PPFIA1: variants seen among roughly 807,000 people sequenced by gnomAD.
The protein encoded by PPFIA1 is liprin-alpha-1.
In PPFIA1, 25 loss-of-function variants were observed where a neutral mutation model predicts 149.9. The observed-to-expected ratio is 0.17, with a 90% CI of 0.12 to 0.23. The LOEUF is 0.23. Among genes scored for constraint, PPFIA1 ranks in the 10% least tolerant of loss-of-function variants. The probability of loss-of-function intolerance (pLI) is 1.00; values close to 1 mark genes in which losing one functional copy is unlikely to be tolerated. For missense variants in PPFIA1, 1,362 were observed against 1,506.5 expected (o/e 0.90, Z 1.59); for synonymous variants, 549 against 552.8 (o/e 0.99, Z 0.10).
At chr11:70,310,479 G>A (rs2053188784) in intron 2 of PPFIA1, among the ~76,000 whole-genome samples, 2 of 150,934 alleles carry the variant, frequency 1.3e-5, no homozygotes, top group South Asian at 2.1e-4. Context: ...TCTGCCTCCT[G>A]GGTTCAAGCG....
At chr11:70,284,593 A>G (rs944602741) in intron 2 of PPFIA1, among the ~76,000 whole-genome samples, 5 of 152,212 alleles carry the variant, frequency 3.3e-5, no homozygotes, top group Non-Finnish European at 7.3e-5. Context: ...GAAGTGGTTC[A>G]GAAGAAATCC....
chr11:70,348,038 T>A (rs2055821952), intron 15 of PPFIA1, 151 bp from the exon 16 acceptor site: 3 of 606,338 alleles, frequency 4.9e-6, no homozygotes, highest in South Asian at 4.6e-5. Flanking sequence ...TTAAAAAGAG[T>A]AGAACATTTT....
chr11:70,300,492 C>T (rs1211050467), intron 2 of PPFIA1, among the ~76,000 whole-genome samples: 2 of 151,858 alleles, frequency 1.3e-5, no homozygotes, highest in African/African-American at 2.4e-5. Flanking sequence ...GCCTCAGCCT[C>T]TCAGTATCTG....
intron 16 of PPFIA1, chr11:70,350,107 T>C (rs977099231): frequency 5.8e-6 from 2 of 344,032 alleles, no homozygotes; most frequent in African/African-American, 4.5e-5. Context: ...TATTAATGGG[T>C]TGTTTTTTTC....
intron 14 of PPFIA1, among the ~76,000 whole-genome samples, chr11:70,341,653 T>G (rs900767705): frequency 1.3e-5 from 2 of 152,044 alleles, no homozygotes; most frequent in Non-Finnish European, 2.9e-5. Context: ...ATGGATGGTA[T>G]TAAGAAACAT....
intron 2 of PPFIA1, among the ~76,000 whole-genome samples, chr11:70,274,920 T>C (rs1340602748): frequency 6.6e-6 from 1 of 152,200 alleles, no homozygotes; most frequent in Non-Finnish European, 1.5e-5. Flanking sequence ...GGTTTTACCA[T>C]GTTGCCCAGG....
Position 70,354,415 on chromosome 11 carries a change from C to T in PPFIA1, c.2278C>T (p.His760Tyr). The T allele has an allele frequency of 6.2e-7, 1 of 1,614,028 alleles. No homozygotes were observed. Among genetic ancestry groups the T allele is most frequent in the East Asian group, 2.2e-5 (1 of 44,848 alleles). Residue 760 changes from histidine (H) to tyrosine (Y), a missense_variant, in exon 17 of 28, where the codon CAC becomes TAC. Coordinates refer to ENST00000253925, the MANE Select transcript of PPFIA1 (RefSeq NM_003626.5). ...AGACCGGCTGCACAAAGGGGCGCTG[C>T]ACACCGTCAGCCACGAGGACATCAG... ...RLDRLHKGAL[H>Y]TVSHEDIRDI...
chr11:70,380,087 A>G (rs989459947), intron 26 of PPFIA1, among the ~76,000 whole-genome samples: 3 of 152,210 alleles, frequency 2.0e-5, no homozygotes, highest in African/African-American at 7.2e-5. Context: ...TAACAGGAAT[A>G]TTAAGAATGA....
chr11:70,352,465 C>T (rs2056107717), intron 16 of PPFIA1, among the ~76,000 whole-genome samples: 1 of 152,090 alleles, frequency 6.6e-6, no homozygotes, highest in African/African-American at 2.4e-5. Flanking sequence ...GACACTTAGG[C>T]ATGATAACCT....
intron 14 of PPFIA1, chr11:70,341,725 T>TG (rs1321997746): frequency 6.5e-6 from 1 of 154,764 alleles, no homozygotes; most frequent in Admixed American, 6.3e-5. Flanking sequence ...AATGGAGCTC[T>TG]GGGGTGCTCC....
chr11:70,304,838 A>G (rs954812463), intron 2 of PPFIA1, among the ~76,000 whole-genome samples: 1 of 152,178 alleles, frequency 6.6e-6, no homozygotes, highest in Non-Finnish European at 1.5e-5. Flanking sequence ...GGAAGTAGGG[A>G]AAACACTTTG....
At chr11:70,310,859 T>TG (rs1337273781) in intron 2 of PPFIA1, among the ~76,000 whole-genome samples, 1 of 152,124 alleles carries the variant, frequency 6.6e-6, no homozygotes, top group African/African-American at 2.4e-5. Flanking sequence ...CTAAGTGCTG[T>TG]TTGCCGTCCA....
rs575721846 is a variant in PPFIA1 at position 70,355,049 on chromosome 11, C to T, written c.2316-590C>T. Among the ~76,000 whole-genome samples the T allele has an allele frequency of 1.0e-3, 155 of 152,110 alleles. 1 individual carries two copies. The highest frequency in any genetic ancestry group is 4.6e-3 in the South Asian group (22 of 4,804). ...CCTCCCGAGTAGCTGGAACTACAGG[C>T]GCACACCACCATGCCCGGCTAATTT... is the stretch of plus-strand genomic sequence containing the variant. On this transcript the variant is annotated intron_variant, in intron 17 of 27. Transcript: ENST00000253925.
chr11:70,381,808 A>G (rs2057724889), intron 26 of PPFIA1, among the ~76,000 whole-genome samples: 1 of 152,234 alleles, frequency 6.6e-6, no homozygotes, highest in Non-Finnish European at 1.5e-5. Context: ...TCATTTATGC[A>G]GATGTACATT....
chr11:70,311,203 G>A (rs1202878321), intron 2 of PPFIA1, among the ~76,000 whole-genome samples: 1 of 152,052 alleles, frequency 6.6e-6, no homozygotes, highest in Non-Finnish European at 1.5e-5. Flanking sequence ...CAGGTACTCC[G>A]GAGGCTGAGG....
chr11:70,344,031 T>A, intron 15 of PPFIA1, 139 bp downstream of exon 15: 1 of 842,798 alleles, frequency 1.2e-6, no homozygotes, highest in Non-Finnish European at 1.8e-6. Context: ...AACTTCTGTT[T>A]TAAGAATTTT....
At chr11:70,322,367 A>G (rs938131767) in intron 2 of PPFIA1, among the ~76,000 whole-genome samples, 2 of 152,204 alleles carry the variant, frequency 1.3e-5, no homozygotes, top group African/African-American at 4.8e-5. Flanking sequence ...TATGATTAAT[A>G]TTGGCACATA....
chr11:70,328,053 C>A (rs2054425216), intron 7 of PPFIA1, among the ~76,000 whole-genome samples: 1 of 152,190 alleles, frequency 6.6e-6, no homozygotes, highest in South Asian at 2.1e-4. Flanking sequence ...TTTTGAAATT[C>A]TTTTAAGACC....
At position 70,289,751 on chromosome 11, in the gene PPFIA1, T is replaced by A. The variant is rs1419069024; in HGVS notation, c.264+17315T>A. The stretch of plus-strand genomic sequence containing the variant: ...GCCCCAGCTTTTTAAGTGTTGGCAT[T>A]ACAGGCGTGGCTCACTGTGCCCAGC... On this transcript the variant is annotated intron_variant, in intron 2 of 27. Coordinates refer to ENST00000253925, the MANE Select transcript of PPFIA1 (RefSeq NM_003626.5). 3.3e-5 allele frequency among the ~76,000 whole-genome samples: 5 copies of A among 152,322 alleles called. No individual in the cohort carries two copies. The South Asian group carries it at 8.3e-4, about 25-fold the overall frequency.
Sources: allele counts gnomAD v4.1 joint callset (sites outside exome capture counted in the v4.1 genomes callset), GRCh38; gene constraint gnomAD v4.1.1; transcripts MANE v1.5; gene names NCBI Gene and HGNC (gene_info 2026-07-23, HGNC 2026-07-21).